Variants in DDX27 observed in about 807,000 individuals in gnomAD.
DDX27 encodes DEAD-box helicase 27.
In DDX27, 42 loss-of-function variants were observed where a neutral mutation model predicts 99.3. The observed-to-expected ratio is 0.42, with a 90% CI of 0.33 to 0.55. The LOEUF (loss-of-function observed/expected upper bound fraction) is 0.55, where lower values mean the gene tolerates loss of function less well. Ranked by LOEUF, DDX27 falls within the 20% of genes least tolerant of loss-of-function variation. DDX27 has a pLI of 0.07. For synonymous variants in DDX27, 329 were observed against 353.8 expected, an observed-to-expected ratio of 0.93 and a Z score of 0.79; for missense variants, 798 against 976.8, an observed-to-expected ratio of 0.82 and a Z score of 2.44.
chr20:49,226,633 C>A, intron 7 of DDX27, 98 bp downstream of exon 7: 1 of 766,560 alleles, frequency 1.3e-6, no homozygotes, highest in Non-Finnish European at 2.0e-6. Flanking sequence ...AATAAATATT[C>A]TTGGTTTTTT....
At chr20:49,240,924 G>A (rs1980457265) in intron 16 of DDX27, among the ~76,000 whole-genome samples, 2 of 152,068 alleles carry the variant, frequency 1.3e-5, no homozygotes, top group Admixed American at 1.3e-4. Flanking sequence ...TGAGGTAGGA[G>A]GATCACCTGA....
intron 2 of DDX27, among the ~76,000 whole-genome samples, chr20:49,222,597 C>T (rs189958280): frequency 1.4e-3 from 210 of 152,156 alleles, no homozygotes; most frequent in Non-Finnish European, 2.5e-3. Context: ...TCACTGCCAC[C>T]TCCGCCTCCC....
In DDX27 at chr20:49,224,362, C is replaced by CTTTTTT. The variant is rs10654735; in HGVS notation, c.467-580_467-579insTTTTTT. On this transcript the variant is annotated intron_variant, in intron 4 of 20. Coordinates refer to ENST00000618172, the MANE Select transcript of DDX27 (RefSeq NM_017895.8). ...GTGGGTGCTCAATAAGTATTTCTTT[C>CTTTTTT]TTTCTTTTTTTTTTTTTGAGATGGA... is the stretch of plus-strand genomic sequence containing the variant. 5.7e-5 allele frequency among the ~76,000 whole-genome samples: 8 copies of CTTTTTT among 140,822 alleles called. 1 individual carries two copies. The highest frequency in any genetic ancestry group is 4.6e-5 in the Non-Finnish European group (3 of 65,514). The allele number at this position is 140,822 out of a possible 152,430, so 92.4% of individuals were successfully genotyped here.
intron 15 of DDX27, 85 bp downstream of exon 15, chr20:49,239,140 G>A (rs778382668): frequency 6.5e-7 from 1 of 1,527,682 alleles, no homozygotes. Flanking sequence ...CTTCTGAAAT[G>A]TTTCTCCCAT....
intron 16 of DDX27, 23 bp from the exon 17 acceptor site, chr20:49,241,870 C>G (rs757638446): frequency 2.5e-6 from 4 of 1,610,222 alleles, no homozygotes; most frequent in South Asian, 1.1e-5. Context: ...TCCCTGAAAT[C>G]TTATGCTTTC....
At chr20:49,230,685 A>T (rs1980078253) in intron 9 of DDX27, among the ~76,000 whole-genome samples, 1 of 152,168 alleles carries the variant, frequency 6.6e-6, no homozygotes, top group Non-Finnish European at 1.5e-5. Flanking sequence ...AGTGTTGAGG[A>T]GCTGAGGAGG....
At chr20:49,225,666 A>G (rs977787015) in intron 6 of DDX27, among the ~76,000 whole-genome samples, 5 of 151,886 alleles carry the variant, frequency 3.3e-5, no homozygotes, top group African/African-American at 1.2e-4. Flanking sequence ...CGTGTTAGCC[A>G]GGATGGTCTC....
At chr20:49,233,769 A>C in intron 11 of DDX27, 60 bp downstream of exon 11, 1 of 1,583,034 alleles carries the variant, frequency 6.3e-7, no homozygotes, top group Non-Finnish European at 8.6e-7. Context: ...AGCTCGTAGT[A>C]TCCATGCTGA....
Position 49,242,584 on chromosome 20 carries a change from CTG to C in DDX27, c.2117-7_2117-6del, listed in dbSNP as rs758432740. ...GACAACCATATGTAACCCATTCTCT[CTG>C]TGCACAGCCAAGAAGCAAAAGCAGG... is the stretch of plus-strand genomic sequence containing the variant. On this transcript the variant is annotated splice_polypyrimidine_tract_variant and splice_region_variant and intron_variant, in intron 18 of 20. Coordinates refer to ENST00000618172, the MANE Select transcript of DDX27 (RefSeq NM_017895.8). The C allele has an allele frequency of 3.1e-5, 50 of 1,613,380 alleles. No individual in the cohort carries two copies. The African/African-American group carries it at 5.1e-4, about 16-fold the overall frequency.
chr20:49,230,665 C>T (rs769422935), intron 9 of DDX27, among the ~76,000 whole-genome samples: 1 of 152,282 alleles, frequency 6.6e-6, no homozygotes, highest in East Asian at 1.9e-4. Context: ...TAAGGACATA[C>T]GCACACCATA....
At chr20:49,229,102 A>T (rs1220443550) in intron 8 of DDX27, among the ~76,000 whole-genome samples, 6 of 146,538 alleles carry the variant, frequency 4.1e-5, no homozygotes, top group Non-Finnish European at 4.4e-5. Flanking sequence ...CAGTGGCGCA[A>T]TCTTGGCTCA....
intron 3 of DDX27, 33 bp downstream of exon 3, chr20:49,223,049 G>A (rs756595525): frequency 1.9e-6 from 3 of 1,592,414 alleles, no homozygotes; most frequent in South Asian, 1.1e-5. Flanking sequence ...TTCGTTGTTA[G>A]GGCCCACTCT....
intron 7 of DDX27, 91 bp downstream of exon 7, chr20:49,226,626 A>T: frequency 1.2e-6 from 1 of 809,236 alleles, no homozygotes; most frequent in Non-Finnish European, 1.9e-6. Context: ...TTTGCTAAAT[A>T]AATATTCTTG....
At chr20:49,240,965 A>G (rs1043867187) in intron 16 of DDX27, among the ~76,000 whole-genome samples, 1 of 152,124 alleles carries the variant, frequency 6.6e-6, no homozygotes. Context: ...CAGTGAGCTA[A>G]GATTCTGCCA....
chr20:49,232,292 A>G (rs935027761), intron 9 of DDX27, among the ~76,000 whole-genome samples: 3 of 152,126 alleles, frequency 2.0e-5, no homozygotes, highest in African/African-American at 4.8e-5. Flanking sequence ...AGCCAGTTGC[A>G]AGGCAGGAAC....
intron 3 of DDX27, 46 bp from the exon 4 acceptor site, chr20:49,223,222 G>C: frequency 1.3e-6 from 2 of 1,580,922 alleles, no homozygotes; most frequent in Non-Finnish European, 8.6e-7. Flanking sequence ...TTAGGTTCTG[G>C]ATTTCTAGAA....
chr20:49,237,260 T>C (rs1020503631), intron 14 of DDX27, among the ~76,000 whole-genome samples: 48 of 152,044 alleles, frequency 3.2e-4, no homozygotes, highest in African/African-American at 1.1e-3. Flanking sequence ...ATCCAGGAGG[T>C]TGAGGCTGCA....
Position 49,243,686 on chromosome 20 carries a change from C to CT in DDX27, c.2265dup (p.Lys756Ter), listed in dbSNP as rs758879295. 3 of 1,614,180 alleles carry CT rather than the reference C, an allele frequency of 1.9e-6. No individual in the cohort carries two copies. Among genetic ancestry groups the CT allele is most frequent in the Non-Finnish European group, 2.5e-6 (3 of 1,180,020 alleles). On this transcript the variant is annotated frameshift_variant, in exon 20 of 21. Transcript: ENST00000618172. LOFTEE classifies it high-confidence loss of function. ...TGCCCCACCAGAGACGAGGAGGAAA[C>CT]TTTAAATCTAAATCCAGGTGATACT...
chr20:49,222,563 G>A (rs1979728315), intron 2 of DDX27, among the ~76,000 whole-genome samples: 1 of 151,900 alleles, frequency 6.6e-6, no homozygotes, highest in Non-Finnish European at 1.5e-5. Flanking sequence ...TGCCCAGGCT[G>A]GAGTGCAATG....
Sources: allele counts gnomAD v4.1 joint callset (sites outside exome capture counted in the v4.1 genomes callset), GRCh38; gene constraint gnomAD v4.1.1; transcripts MANE v1.5; gene names NCBI Gene and HGNC (gene_info 2026-07-23, HGNC 2026-07-21).